RALYL: variants seen among roughly 807,000 people sequenced by gnomAD.
RALYL encodes RNA-binding Raly-like protein.
RALYL carries 29 observed loss-of-function variants against 35.1 expected under a neutral mutation model. That is an observed-to-expected ratio of 0.83 (90% confidence interval 0.61 to 1.13). RALYL has a LOEUF of 1.13. Ranked by LOEUF, RALYL falls within the 50% of genes most tolerant of loss-of-function variation. RALYL has a pLI of 0.00. For missense variants in RALYL, 359 were observed against 360.4 expected (o/e 1.00, Z 0.03); for synonymous variants, 120 against 127.6 (o/e 0.94, Z 0.40).
chr8:84,767,663 C>A lies in RALYL; in HGVS notation c.257-6916C>A, dbSNP rs1450100139. Among the ~76,000 whole-genome samples, 4 of 152,138 alleles carry A rather than the reference C, an allele frequency of 2.6e-5. No individual in the cohort carries two copies. In the East Asian group the frequency reaches 5.8e-4, roughly 22 times the overall value. On this transcript the variant is annotated intron_variant, in intron 2 of 8. Coordinates refer to ENST00000521268, the MANE Select transcript of RALYL (RefSeq NM_173848.7). ...CTCTTAACCTGTGGTTTGTTCTCTTCTGCTTTATCCCTATGGCTGGAATGG... is the reference window on the plus strand; with the variant it reads ...CTCTTAACCTGTGGTTTGTTCTCTTATGCTTTATCCCTATGGCTGGAATGG...
intron 1 of RALYL, among the ~76,000 whole-genome samples, chr8:84,408,411 A>C (rs2043767394): frequency 6.6e-6 from 1 of 152,236 alleles, no homozygotes; most frequent in African/African-American, 2.4e-5. Flanking sequence ...TAAGGTTCAA[A>C]GTAATAAAAT....
chr8:84,804,260 G>A (rs1258034294), intron 3 of RALYL, among the ~76,000 whole-genome samples: 2 of 152,176 alleles, frequency 1.3e-5, no homozygotes, highest in Non-Finnish European at 2.9e-5. Context: ...AAAGGAGGCT[G>A]AAGGACCCAA....
intron 1 of RALYL, among the ~76,000 whole-genome samples, chr8:84,237,552 GA>G (rs972773695): frequency 1.1e-4 from 16 of 151,974 alleles, no homozygotes; most frequent in African/African-American, 3.6e-4. Flanking sequence ...TTATTACACC[GA>G]AAAAACAAAG....
At chr8:84,502,364 TGAA>T (rs1179575174) in intron 1 of RALYL, among the ~76,000 whole-genome samples, 1 of 152,046 alleles carries the variant, frequency 6.6e-6, no homozygotes, top group African/African-American at 2.4e-5. Context: ...TCACTCTGCA[TGAA>T]GAAGAAAGTC....
At chr8:84,393,189 A>G (rs1021791821) in intron 1 of RALYL, among the ~76,000 whole-genome samples, 1 of 152,056 alleles carries the variant, frequency 6.6e-6, no homozygotes, top group African/African-American at 2.4e-5. Context: ...CAAGACTGCA[A>G]TCAAGAAGTC....
chr8:84,588,674 G>GA (rs1812537296), intron 2 of RALYL, among the ~76,000 whole-genome samples: 1 of 152,040 alleles, frequency 6.6e-6, no homozygotes, highest in Non-Finnish European at 1.5e-5. Flanking sequence ...ATTGACCCTG[G>GA]AAAAACCAAA....
At chr8:84,431,095 C>T (rs959912942) in intron 1 of RALYL, among the ~76,000 whole-genome samples, 1 of 152,106 alleles carries the variant, frequency 6.6e-6, no homozygotes, top group African/African-American at 2.4e-5. Flanking sequence ...TAATGGTAGC[C>T]AGCTTGTCCT....
intron 8 of RALYL, among the ~76,000 whole-genome samples, chr8:84,904,896 G>A (rs549076098): frequency 6.6e-6 from 1 of 152,104 alleles, no homozygotes; most frequent in East Asian, 1.9e-4. Flanking sequence ...TGACTTAACT[G>A]TTTAGTTTTT....
rs114751394 is a variant in RALYL, at chr8:84,741,346, T to C, written c.257-33233T>C. On this transcript the variant is annotated intron_variant, in intron 2 of 8. Coordinates refer to ENST00000521268, the MANE Select transcript of RALYL (RefSeq NM_173848.7). ...AGTGATATCACACAGCTAGCTGTCT[T>C]AGTTTGCATGTGCTGCTGTAACAAA... Among the ~76,000 whole-genome samples the C allele has an allele frequency of 2.2e-3, 328 of 152,136 alleles. 2 individuals are homozygous for C. Among genetic ancestry groups the C allele is most frequent in the African/African-American group, 7.4e-3 (309 of 41,514 alleles).
intron 4 of RALYL, among the ~76,000 whole-genome samples, chr8:84,819,597 A>G (rs935863182): frequency 2.6e-5 from 4 of 152,176 alleles, no homozygotes; most frequent in African/African-American, 9.6e-5. Flanking sequence ...GTCATCAAAA[A>G]GAGTCTCCCT....
intron 1 of RALYL, among the ~76,000 whole-genome samples, chr8:84,252,848 A>C (rs1215654993): frequency 6.6e-6 from 1 of 152,158 alleles, no homozygotes; most frequent in African/African-American, 2.4e-5. Flanking sequence ...TAAATTATTT[A>C]ATTTTTGAAT....
chr8:84,394,539 G>C (rs1442551297), intron 1 of RALYL, among the ~76,000 whole-genome samples: 1 of 151,914 alleles, frequency 6.6e-6, no homozygotes, highest in Non-Finnish European at 1.5e-5. Context: ...GCAATAATAT[G>C]ATTAGGATGC....
chr8:84,765,038 A>G (rs1179119398), intron 2 of RALYL, among the ~76,000 whole-genome samples: 1 of 152,080 alleles, frequency 6.6e-6, no homozygotes, highest in Non-Finnish European at 1.5e-5. Flanking sequence ...CTCAGAGTAA[A>G]AGCACTGCTG....
chr8:84,880,287 G>A (rs549046373), intron 7 of RALYL, among the ~76,000 whole-genome samples: 74 of 152,162 alleles, frequency 4.9e-4, no homozygotes, highest in Non-Finnish European at 8.7e-4. Flanking sequence ...ACACTCTAAG[G>A]AAAGGATGCT....
At chr8:84,816,960 T>G (rs1827458233) in intron 4 of RALYL, among the ~76,000 whole-genome samples, 1 of 152,044 alleles carries the variant, frequency 6.6e-6, no homozygotes, top group South Asian at 2.1e-4. Flanking sequence ...AAAGAATACA[T>G]CAATGATAAA....
At chr8:84,198,368 A>T (rs1427735884) in intron 1 of RALYL, among the ~76,000 whole-genome samples, 3 of 151,904 alleles carry the variant, frequency 2.0e-5, no homozygotes, top group Admixed American at 6.6e-5. Context: ...TTATTTATTA[A>T]TTTTTTATTT....
intron 2 of RALYL, among the ~76,000 whole-genome samples, chr8:84,704,225 G>C (rs1840728464): frequency 1.3e-5 from 2 of 152,152 alleles, no homozygotes; most frequent in Admixed American, 1.3e-4. Context: ...AGGAGTTCGA[G>C]ATCAGCCTGG....
chr8:84,577,400 G>A (rs79255102), intron 2 of RALYL, among the ~76,000 whole-genome samples: 3 of 152,154 alleles, frequency 2.0e-5, no homozygotes, highest in Non-Finnish European at 4.4e-5. Flanking sequence ...ATGGTGGGTG[G>A]TAAAGAAAAG....
intron 1 of RALYL, among the ~76,000 whole-genome samples, chr8:84,332,525 A>G (rs577292274): frequency 1.1e-4 from 17 of 152,292 alleles, no homozygotes; most frequent in Non-Finnish European, 1.8e-4. Context: ...TGGATCCTTT[A>G]AAAAGTCAAT....
Sources: allele counts gnomAD v4.1 joint callset (sites outside exome capture counted in the v4.1 genomes callset), GRCh38; gene constraint gnomAD v4.1.1; transcripts MANE v1.5; gene names NCBI Gene and HGNC (gene_info 2026-07-23, HGNC 2026-07-21).